Variants in ROR2 observed in about 807,000 individuals in gnomAD.
ROR2 encodes ROR family WNT receptor 2.
In ROR2, 33 loss-of-function variants were observed where a neutral mutation model predicts 74.9. That is an observed-to-expected ratio of 0.44 (90% confidence interval 0.33 to 0.59). ROR2 has a LOEUF of 0.59. Among genes scored for constraint, ROR2 ranks in the 20% least tolerant of loss-of-function variants. The probability of loss-of-function intolerance (pLI) is 0.02; values close to 1 mark genes in which losing one functional copy is unlikely to be tolerated. For missense variants in ROR2, 1,216 were observed against 1,313.8 expected, an observed-to-expected ratio of 0.93 and a Z score of 1.15; for synonymous variants, 586 against 558.7, an observed-to-expected ratio of 1.05 and a Z score of -0.69.
intron 1 of ROR2, among the ~76,000 whole-genome samples, chr9:91,882,697 C>T (rs12555334): frequency 0.33 from 49,972 of 151,870 alleles, 8,698 homozygotes; most frequent in East Asian, 0.49. Context: ...AAGAGTAATT[C>T]AGTTAAAATG....
intron 1 of ROR2, among the ~76,000 whole-genome samples, chr9:91,848,475 T>A (rs1197081095): frequency 1.3e-5 from 2 of 152,106 alleles, no homozygotes; most frequent in African/African-American, 2.4e-5. Flanking sequence ...AAAATAACAT[T>A]TGGGGCCAGG....
chr9:91,733,038 G>T lies in ROR2; in HGVS notation c.937+84C>A. 7.4e-7 allele frequency: 1 copy of T among 1,351,214 alleles called. No homozygotes were observed. Among genetic ancestry groups the T allele is most frequent in the Non-Finnish European group, 1.0e-6 (1 of 989,368 alleles). 83.7% of individuals were successfully genotyped at this position (1,351,214 alleles called of 1,614,324 possible). A position where few individuals can be genotyped will look rare whatever the true frequency, so the allele number is the denominator to read the frequency against. ...GGCCTGGACAGATGGGGCTCCCTGG[G>T]CTTCACCGACACCCCCATACACATT... On this transcript the variant is annotated intron_variant, in intron 6 of 8. Transcript: ENST00000375708. The surrounding 1 kb of genome is among the most constrained non-coding windows in gnomAD (Gnocchi z 5.7).
chr9:91,728,688 C>T (rs1028700749), intron 7 of ROR2, among the ~76,000 whole-genome samples: 6 of 152,248 alleles, frequency 3.9e-5, no homozygotes, highest in Non-Finnish European at 7.3e-5. Flanking sequence ...GCCTTGGCCT[C>T]CCAAAGTGCT....
intron 1 of ROR2, among the ~76,000 whole-genome samples, chr9:91,817,372 T>C (rs986827728): frequency 1.3e-5 from 2 of 152,284 alleles, no homozygotes; most frequent in Non-Finnish European, 2.9e-5. Context: ...AATGCAGCTA[T>C]AGGACCACTG....
At chr9:91,899,620 C>T (rs1301710242) in intron 1 of ROR2, among the ~76,000 whole-genome samples, 3 of 152,124 alleles carry the variant, frequency 2.0e-5, no homozygotes, top group Non-Finnish European at 4.4e-5. Flanking sequence ...GAGCCTCCTC[C>T]GTCCCCAAGG....
chr9:91,805,678 T>C (rs999959961), intron 1 of ROR2, among the ~76,000 whole-genome samples: 1 of 152,148 alleles, frequency 6.6e-6, no homozygotes, highest in Non-Finnish European at 1.5e-5. Context: ...CCCATGCACA[T>C]GCTCACACAC....
Position 91,755,407 on chromosome 9 carries a change from G to A in ROR2, c.494+664C>T, listed in dbSNP as rs552643627. On this transcript the variant is annotated intron_variant, in intron 4 of 8. Coordinates refer to ENST00000375708, the MANE Select transcript of ROR2 (RefSeq NM_004560.4). ...TCTGAGGAGGAAATGCAGGAAACCC[G>A]GACAGTCACTGCTCATCTCAAACAC... 4.3e-4 allele frequency among the ~76,000 whole-genome samples: 65 copies of A among 152,310 alleles called. No homozygotes were observed. The Middle Eastern group carries it at 0.01, about 24-fold the overall frequency.
At chr9:91,743,908 C>A (rs1032616251) in intron 4 of ROR2, among the ~76,000 whole-genome samples, 1 of 152,170 alleles carries the variant, frequency 6.6e-6, no homozygotes, top group African/African-American at 2.4e-5. Flanking sequence ...TATGTGAAAA[C>A]AAATGTTCAT....
intron 1 of ROR2, among the ~76,000 whole-genome samples, chr9:91,942,602 A>C (rs1231883490): frequency 1.3e-5 from 2 of 152,102 alleles, no homozygotes; most frequent in African/African-American, 4.8e-5. Flanking sequence ...GTAGTAAATT[A>C]GTGTTTCCCT....
At chr9:91,802,431 G>A (rs1329335582) in intron 1 of ROR2, among the ~76,000 whole-genome samples, 1 of 152,092 alleles carries the variant, frequency 6.6e-6, no homozygotes, top group East Asian at 1.9e-4. Flanking sequence ...GAACTTGGAG[G>A]CATTTGGGTT....
chr9:91,796,455 AC>A (rs1043833044), intron 1 of ROR2, among the ~76,000 whole-genome samples: 14 of 151,294 alleles, frequency 9.3e-5, no homozygotes, highest in East Asian at 2.0e-4. Context: ...AAAAAAAAAA[AC>A]ATTTTCACAT....
rs746781020 is a variant in ROR2 at position 91,731,134 on chromosome 9, G to A, written c.959C>T (p.Ser320Leu). ...TGCCGTTCCTCTGTAATCCATGCCT[G>A]AGCCGTTATAGCACTGATGGTCTGA... The part of the protein sequence containing the change: ...LGRYHQCYNG[S>L]GMDYRGTAST... The change falls in exon 7 of 9, where the codon TCA (serine) becomes TTA (leucine). Residue 320 changes from serine (S) to leucine (L), a missense_variant. Physicochemically the swap from Ser to Leu is moderately radical, Grantham distance 145. Coordinates refer to ENST00000375708, the MANE Select transcript of ROR2 (RefSeq NM_004560.4). The A allele has an allele frequency of 6.2e-7, 1 of 1,614,076 alleles. No homozygotes were observed. The highest frequency in any genetic ancestry group is 8.5e-7 in the Non-Finnish European group (1 of 1,180,030).
chr9:91,891,728 C>G (rs1250512245), intron 1 of ROR2, among the ~76,000 whole-genome samples: 1 of 152,142 alleles, frequency 6.6e-6, no homozygotes, highest in Non-Finnish European at 1.5e-5. Flanking sequence ...TGCCCACATT[C>G]CCGGCCCTGG....
chr9:91,765,206 CTT>C (rs976141924), intron 2 of ROR2, among the ~76,000 whole-genome samples: 1 of 152,130 alleles, frequency 6.6e-6, no homozygotes, highest in African/African-American at 2.4e-5. Context: ...ACTCCTTACC[CTT>C]TTTGTCTTTA....
intron 1 of ROR2, among the ~76,000 whole-genome samples, chr9:91,814,442 G>A (rs190027730): frequency 1.2e-4 from 18 of 152,164 alleles, no homozygotes; most frequent in Admixed American, 1.0e-3. Flanking sequence ...GGTGAGACAG[G>A]CTCCGGAGGG....
At chr9:91,735,366 G>GA (rs1564239738) in intron 5 of ROR2, among the ~76,000 whole-genome samples, 1 of 152,146 alleles carries the variant, frequency 6.6e-6, no homozygotes, top group Non-Finnish European at 1.5e-5. Flanking sequence ...CACCCACCTA[G>GA]AAAATCTTCA....
intron 4 of ROR2, among the ~76,000 whole-genome samples, chr9:91,753,297 G>C (rs1825645513): frequency 6.6e-6 from 1 of 152,186 alleles, no homozygotes; most frequent in Admixed American, 6.5e-5. Flanking sequence ...AATATGAAGT[G>C]GCAATTGACA....
chr9:91,751,413 C>T (rs1389424114), intron 4 of ROR2, among the ~76,000 whole-genome samples: 1 of 152,054 alleles, frequency 6.6e-6, no homozygotes, highest in Non-Finnish European at 1.5e-5. Context: ...AAGAGTGGGA[C>T]AGGAATCATA....
intron 1 of ROR2, among the ~76,000 whole-genome samples, chr9:91,798,250 A>C: frequency 1.5e-5 from 1 of 67,454 alleles, no homozygotes; most frequent in African/African-American, 5.9e-5. Context: ...GACACCCTGC[A>C]TTCTGTGGGC....
Sources: allele counts gnomAD v4.1 joint callset (sites outside exome capture counted in the v4.1 genomes callset), GRCh38; gene constraint gnomAD v4.1.1; non-coding constraint Gnocchi (gnomAD v3.1); transcripts MANE v1.5; gene names NCBI Gene and HGNC (gene_info 2026-07-23, HGNC 2026-07-21).